KMT2C: variants seen among roughly 807,000 people sequenced by gnomAD.
KMT2C encodes the protein lysine methyltransferase 2C, also known as histone-lysine N-methyltransferase 2C.
In KMT2C, 88 loss-of-function variants were observed where a neutral mutation model predicts 507.9. That is an observed-to-expected ratio of 0.17 (90% CI 0.15 to 0.21). The LOEUF (loss-of-function observed/expected upper bound fraction) is 0.21. KMT2C is among the 10% of genes least tolerant of loss of function. The probability of loss-of-function intolerance (pLI) is 1.00; values close to 1 mark genes in which losing one functional copy is unlikely to be tolerated. For synonymous variants in KMT2C, 2,049 were observed against 2,080.8 expected, an observed-to-expected ratio of 0.98 and a Z score of 0.42; for missense variants, 4,954 against 5,957.8, an observed-to-expected ratio of 0.83 and a Z score of 5.55.
chr7:152,250,589 G>T (rs1243965533), intron 12 of KMT2C, among the ~76,000 whole-genome samples: 1 of 152,106 alleles, frequency 6.6e-6, no homozygotes, highest in Non-Finnish European at 1.5e-5. Flanking sequence ...TACAACTAAA[G>T]AAATAAAAAT....
Position 152,146,622 on chromosome 7 carries a change from C to A in KMT2C, c.14008G>T (p.Ala4670Ser). Residue 4670 changes from alanine (A) to serine (S), a missense_variant, in exon 53 of 59, where the codon GCA becomes TCA. Ala to Ser is a moderately conservative substitution (Grantham distance 99). Around this residue, in one of 29 missense-constraint regions of KMT2C, gnomAD observed 221 missense variants for 304.7 expected, o/e 0.73. Transcript: ENST00000262189. ...ACTGATTCCGCTATGCGTGCCACTG[C>A]AGAGACGGTCAGGCCAAACAGATCC... ...GEDLFGLTVS[A>S]VARIAESLPG... 6.2e-7 allele frequency: 1 copy of A among 1,614,178 alleles called. No individual in the cohort carries two copies. The highest frequency in any genetic ancestry group is 2.2e-5 in the East Asian group (1 of 44,888).
intron 29 of KMT2C, 25 bp from the exon 30 acceptor site, chr7:152,194,286 G>T (rs1461981889): frequency 7.8e-7 from 1 of 1,283,980 alleles, no homozygotes; most frequent in Non-Finnish European, 1.1e-6. Context: ...AAAAAAAAAA[G>T]AAACATTAAC....
chr7:152,264,347 TATC>T (rs1398958959), intron 8 of KMT2C, among the ~76,000 whole-genome samples: 1 of 152,092 alleles, frequency 6.6e-6, no homozygotes, highest in Non-Finnish European at 1.5e-5. Flanking sequence ...ATCCCCAAAT[TATC>T]ATGCTCATTA....
chr7:152,289,605 A>G (rs1588940028), intron 6 of KMT2C, among the ~76,000 whole-genome samples: 1 of 152,244 alleles, frequency 6.6e-6, no homozygotes. Context: ...AAAAAGGAAT[A>G]AAGTGAGCCT....
intron 9 of KMT2C, among the ~76,000 whole-genome samples, chr7:152,254,813 G>A (rs2095618750): frequency 6.6e-6 from 1 of 151,930 alleles, no homozygotes; most frequent in Non-Finnish European, 1.5e-5. Flanking sequence ...GAACATCCTA[G>A]AAAATTGTTC....
At chr7:152,273,298 C>A (rs1020950754) in intron 7 of KMT2C, among the ~76,000 whole-genome samples, 7 of 152,150 alleles carry the variant, frequency 4.6e-5, no homozygotes, top group African/African-American at 1.7e-4. Context: ...TTCTTATTAA[C>A]GTAAATCCTG....
chr7:152,230,687 G>C (rs549686947), intron 16 of KMT2C, among the ~76,000 whole-genome samples: 5 of 152,168 alleles, frequency 3.3e-5, no homozygotes, highest in Non-Finnish European at 5.9e-5. Context: ...CTGCAATGTA[G>C]CTAGTCTGAA....
intron 1 of KMT2C, among the ~76,000 whole-genome samples, chr7:152,430,008 T>C (rs1371278292): frequency 6.6e-6 from 1 of 151,534 alleles, no homozygotes; most frequent in Non-Finnish European, 1.5e-5. Context: ...TGAACACCCA[T>C]CTCTACTAAA....
At position 152,342,979 on chromosome 7, in the gene KMT2C, G is replaced by A. The variant is rs548457953; in HGVS notation, c.251-12240C>T. On this transcript the variant is annotated intron_variant, in intron 2 of 58. Coordinates refer to ENST00000262189, the MANE Select transcript of KMT2C (RefSeq NM_170606.3). ...AAGCAGTGAAAGGGCAGGGTGGGGAGGAAGAGTAAAAAATTCAGACTTCCC... is the reference window on the plus strand; with the variant it reads ...AAGCAGTGAAAGGGCAGGGTGGGGAAGAAGAGTAAAAAATTCAGACTTCCC... Among the ~76,000 whole-genome samples, 6 of 152,202 alleles carry A rather than the reference G, an allele frequency of 3.9e-5. No homozygotes were observed. In the East Asian group the frequency reaches 9.7e-4, roughly 24 times the overall value.
At chr7:152,233,733 T>C (rs1284478147) in intron 16 of KMT2C, among the ~76,000 whole-genome samples, 1 of 152,206 alleles carries the variant, frequency 6.6e-6, no homozygotes, top group Non-Finnish European at 1.5e-5. Flanking sequence ...TCAACTCCAT[T>C]CCTTTAATTT....
At chr7:152,297,939 TA>T (rs2096531417) in intron 6 of KMT2C, among the ~76,000 whole-genome samples, 1 of 152,130 alleles carries the variant, frequency 6.6e-6, no homozygotes, top group Admixed American at 6.5e-5. Flanking sequence ...ATCAAAAAGT[TA>T]AATAGAGACA....
rs150824102 is a variant in KMT2C, at chr7:152,434,424, T to C, written c.161+1202A>G. On this transcript the variant is annotated intron_variant, in intron 1 of 58. Transcript: ENST00000262189. The stretch of plus-strand genomic sequence containing the variant: ...TCAATGGGTTCCCACAACCCAGCTC[T>C]GCTATGCCTCAGTTCACGCTACTAT... 6.6e-3 allele frequency among the ~76,000 whole-genome samples: 1,012 copies of C among 152,330 alleles called. 5 individuals are homozygous for C. The highest frequency in any genetic ancestry group is 0.022 in the African/African-American group (923 of 41,556).
chr7:152,276,880 T>G (rs2096091445), intron 6 of KMT2C, among the ~76,000 whole-genome samples: 2 of 152,044 alleles, frequency 1.3e-5, no homozygotes, highest in African/African-American at 4.8e-5. Context: ...AGACAGGGAG[T>G]AAGAAAAGGA....
At chr7:152,369,314 C>T (rs559199676) in intron 1 of KMT2C, among the ~76,000 whole-genome samples, 12 of 151,500 alleles carry the variant, frequency 7.9e-5, no homozygotes, top group African/African-American at 2.7e-4. Flanking sequence ...CAGAGTGAGG[C>T]CCTGTCTCAA....
At chr7:152,373,371 A>C (rs1275628049) in intron 1 of KMT2C, among the ~76,000 whole-genome samples, 2 of 152,344 alleles carry the variant, frequency 1.3e-5, no homozygotes, top group African/African-American at 2.4e-5. Context: ...TTTTGTTGAA[A>C]GAGTAGATGG....
chr7:152,259,446 G>GCA (rs372982101), intron 9 of KMT2C, among the ~76,000 whole-genome samples: 13,492 of 134,588 alleles, frequency 0.1, 658 homozygotes, highest in Non-Finnish European at 0.13. Flanking sequence ...ACACACACGC[G>GCA]CACACACACA....
intron 48 of KMT2C, among the ~76,000 whole-genome samples, chr7:152,153,621 G>A (rs892222271): frequency 1.8e-4 from 28 of 152,016 alleles, no homozygotes; most frequent in Admixed American, 2.0e-4. Context: ...CAGCTACTGA[G>A]GAGGCTAAAG....
At chr7:152,338,127 G>A (rs2096955361) in intron 2 of KMT2C, among the ~76,000 whole-genome samples, 1 of 152,046 alleles carries the variant, frequency 6.6e-6, no homozygotes, top group Admixed American at 6.6e-5. Flanking sequence ...CAAAGTGCTG[G>A]GATTACAGGC....
intron 4 of KMT2C, among the ~76,000 whole-genome samples, chr7:152,314,456 T>A (rs1408224339): frequency 2.0e-5 from 3 of 152,066 alleles, no homozygotes; most frequent in Non-Finnish European, 4.4e-5. Flanking sequence ...ACAAAATATT[T>A]TAAACTATAT....
Sources: allele counts gnomAD v4.1 joint callset (sites outside exome capture counted in the v4.1 genomes callset), GRCh38; gene constraint gnomAD v4.1.1; regional missense constraint gnomAD v4.1.1; transcripts MANE v1.5; gene names NCBI Gene and HGNC (gene_info 2026-07-23, HGNC 2026-07-21).